GADL1: variants seen among roughly 807,000 people sequenced by gnomAD.
GADL1 encodes GAD like acidic amino acid decarboxylase 1, also known as acidic amino acid decarboxylase GADL1.
In GADL1, 71 loss-of-function variants were observed where a neutral mutation model predicts 69.5. That is an observed-to-expected ratio of 1.02 (90% CI 0.84 to 1.25). The LOEUF is 1.25. Ranked by LOEUF, GADL1 falls within the 50% of genes most tolerant of loss-of-function variation. The pLI is 0.00. For missense variants in GADL1, 737 were observed against 631.8 expected (o/e 1.17, Z -1.79); for synonymous variants, 254 against 214.4 (o/e 1.18, Z -1.62).
chr3:30,810,178 A>C (rs899371190), intron 11 of GADL1, among the ~76,000 whole-genome samples: 5 of 152,158 alleles, frequency 3.3e-5, no homozygotes, highest in Non-Finnish European at 7.4e-5. Flanking sequence ...GCCCTTTCAC[A>C]AACTGGCTTG....
intron 13 of GADL1, 98 bp downstream of exon 13, chr3:30,786,257 C>T: frequency 5.2e-6 from 4 of 768,982 alleles, no homozygotes; most frequent in Non-Finnish European, 9.2e-6. Context: ...TTTAACTCTG[C>T]AACACAAAAA....
At chr3:30,887,606 AT>A (rs151140472) in intron 1 of GADL1, among the ~76,000 whole-genome samples, 33 of 151,930 alleles carry the variant, frequency 2.2e-4, no homozygotes, top group South Asian at 8.3e-4. Flanking sequence ...ATAAGTTCCT[AT>A]TTTTTTTATG....
intron 11 of GADL1, among the ~76,000 whole-genome samples, chr3:30,813,720 A>C (rs1387442633): frequency 6.6e-6 from 1 of 152,258 alleles, no homozygotes; most frequent in African/African-American, 2.4e-5. Context: ...CTGAAACACG[A>C]GTTCCCTGGT....
intron 14 of GADL1, among the ~76,000 whole-genome samples, chr3:30,732,151 C>T (rs189096112): frequency 1.3e-5 from 2 of 152,246 alleles, no homozygotes; most frequent in Admixed American, 1.3e-4. Flanking sequence ...TTTGGATATT[C>T]CTTTTTGCTG....
At chr3:30,735,731 A>T (rs1695532895) in intron 14 of GADL1, among the ~76,000 whole-genome samples, 1 of 152,106 alleles carries the variant, frequency 6.6e-6, no homozygotes, top group African/African-American at 2.4e-5. Flanking sequence ...GCAGACAATA[A>T]ATTCTGTTCG....
intron 14 of GADL1, among the ~76,000 whole-genome samples, chr3:30,775,934 A>C (rs1696526319): frequency 6.6e-6 from 1 of 152,170 alleles, no homozygotes; most frequent in Non-Finnish European, 1.5e-5. Context: ...AAATACAAAA[A>C]TTCAGCTAAG....
chr3:30,850,800 T>C, intron 5 of GADL1, 35 bp downstream of exon 5: 5 of 1,237,572 alleles, frequency 4.0e-6, no homozygotes, highest in African/African-American at 1.5e-5. Flanking sequence ...CGTGGTTGTA[T>C]TGGAAGGTTG....
chr3:30,760,438 T>A (rs1696099598), intron 14 of GADL1, among the ~76,000 whole-genome samples: 1 of 152,186 alleles, frequency 6.6e-6, no homozygotes, highest in Non-Finnish European at 1.5e-5. Context: ...GAACTTGTCA[T>A]AGCCACCAAC....
chr3:30,869,909 G>A (rs1489286465), intron 1 of GADL1, among the ~76,000 whole-genome samples: 3 of 151,752 alleles, frequency 2.0e-5, no homozygotes, highest in Non-Finnish European at 4.4e-5. Context: ...CTATCCAAAA[G>A]GCATAAAGTT....
intron 1 of GADL1, among the ~76,000 whole-genome samples, chr3:30,890,686 T>C (rs1575250114): frequency 6.6e-6 from 1 of 152,124 alleles, no homozygotes; most frequent in African/African-American, 2.4e-5. Context: ...GGGGTAATCA[T>C]GCAGCTAGTG....
At chr3:30,759,766 CA>C in intron 14 of GADL1, among the ~76,000 whole-genome samples, 2 of 152,308 alleles carry the variant, frequency 1.3e-5, no homozygotes, top group East Asian at 3.9e-4. Context: ...TGGGTTTGTG[CA>C]TATGGCTGGA....
At chr3:30,756,828 G>C (rs955159864) in intron 14 of GADL1, among the ~76,000 whole-genome samples, 1 of 152,120 alleles carries the variant, frequency 6.6e-6, no homozygotes, top group Admixed American at 6.6e-5. Context: ...CACTTGCCAA[G>C]ACCAGTAGAT....
intron 14 of GADL1, among the ~76,000 whole-genome samples, chr3:30,770,853 A>T (rs1329155805): frequency 6.6e-6 from 1 of 152,240 alleles, no homozygotes; most frequent in Non-Finnish European, 1.5e-5. Flanking sequence ...AAGAAAAAAA[A>T]ATTTATAATG....
intron 12 of GADL1, chr3:30,799,408 A>C (rs1032929194): frequency 5.3e-4 from 81 of 152,312 alleles, no homozygotes; most frequent in African/African-American, 1.9e-3. Context: ...CCCTTTTAGC[A>C]ATGGCTGGAG....
chr3:30,794,967 A>G (rs1697002472), intron 12 of GADL1, among the ~76,000 whole-genome samples: 2 of 152,196 alleles, frequency 1.3e-5, no homozygotes, highest in South Asian at 4.1e-4. Context: ...AGAGTTGCAC[A>G]GCTTTTCCAG....
At chr3:30,838,846 A>C in intron 9 of GADL1, 151 bp downstream of exon 9, 2 of 542,538 alleles carry the variant, frequency 3.7e-6, no homozygotes, top group Non-Finnish European at 3.3e-6. Context: ...TTTATACTTT[A>C]CAAGAAAGTG....
chr3:30,762,489 T>C (rs1333476927), intron 14 of GADL1, among the ~76,000 whole-genome samples: 3 of 152,184 alleles, frequency 2.0e-5, no homozygotes, highest in Admixed American at 6.5e-5. Flanking sequence ...TTTTAACTTT[T>C]GTGGGCACCA....
At chr3:30,753,872 T>C (rs928203436) in intron 14 of GADL1, among the ~76,000 whole-genome samples, 6 of 152,198 alleles carry the variant, frequency 3.9e-5, no homozygotes, top group South Asian at 4.1e-4. Context: ...AACTTTTGTT[T>C]TAGTGGACCC....
intron 14 of GADL1, among the ~76,000 whole-genome samples, chr3:30,764,271 A>G (rs1324694632): frequency 6.6e-6 from 1 of 152,180 alleles, no homozygotes; most frequent in East Asian, 1.9e-4. Context: ...ATTTGTAAGA[A>G]GATACACAGT....
Sources: allele counts gnomAD v4.1 joint callset (sites outside exome capture counted in the v4.1 genomes callset), GRCh38; gene constraint gnomAD v4.1.1; transcripts MANE v1.5; gene names NCBI Gene and HGNC (gene_info 2026-07-23, HGNC 2026-07-21).